Variants in TANGO6 observed in about 807,000 individuals in gnomAD.
The protein encoded by TANGO6 is transport and Golgi organization protein 6 homolog.
TANGO6 carries 90 observed loss-of-function variants against 114.2 expected under a neutral mutation model. The observed-to-expected ratio is 0.79, with a 90% confidence interval of 0.66 to 0.94. The LOEUF (loss-of-function observed/expected upper bound fraction) is 0.94. Among genes scored for constraint, TANGO6 ranks in the 40% least tolerant of loss-of-function variants. The pLI is 0.00. For missense variants in TANGO6, 1,274 were observed against 1,315.3 expected (o/e 0.97, Z 0.49); for synonymous variants, 477 against 509.8 (o/e 0.94, Z 0.87).
intron 14 of TANGO6, among the ~76,000 whole-genome samples, chr16:68,972,090 GCTT>G (rs1347854306): frequency 6.6e-6 from 1 of 151,860 alleles, no homozygotes; most frequent in African/African-American, 2.4e-5. Context: ...TAAGAGCAGA[GCTT>G]CTGCTTGCAT....
chr16:68,915,599 A>G (rs1401846116), intron 11 of TANGO6, among the ~76,000 whole-genome samples: 1 of 152,186 alleles, frequency 6.6e-6, no homozygotes. Flanking sequence ...GAGGCAACAT[A>G]GTTGGCCCAA....
At chr16:68,938,628 A>G (rs1378191570) in intron 14 of TANGO6, among the ~76,000 whole-genome samples, 1 of 152,082 alleles carries the variant, frequency 6.6e-6, no homozygotes, top group East Asian at 1.9e-4. Flanking sequence ...AGCATTGCCA[A>G]TTAACTACTT....
At chr16:68,856,340 G>A (rs1158300357) in intron 1 of TANGO6, among the ~76,000 whole-genome samples, 1 of 152,154 alleles carries the variant, frequency 6.6e-6, no homozygotes, top group Non-Finnish European at 1.5e-5. Flanking sequence ...TGCGTTTGTT[G>A]AAATGATCAC....
At chr16:69,040,075 T>C (rs1395583783) in intron 16 of TANGO6, among the ~76,000 whole-genome samples, 1 of 152,222 alleles carries the variant, frequency 6.6e-6, no homozygotes, top group African/African-American at 2.4e-5. Flanking sequence ...TCCCACTCTC[T>C]AATCTCGTTC....
chr16:68,902,397 G>T lies in TANGO6; in HGVS notation c.1560G>T (p.Leu520=). 6.2e-7 allele frequency: 1 copy of T among 1,613,844 alleles called. No homozygotes were observed. Among genetic ancestry groups the T allele is most frequent in the Non-Finnish European group, 8.5e-7 (1 of 1,179,804 alleles). The change falls in exon 9 of 18, where the codon CTG becomes CTT. Residue 520 remains leucine (L), a synonymous_variant. Coordinates refer to ENST00000261778, the MANE Select transcript of TANGO6 (RefSeq NM_024562.2). Reference sequence around the variant, plus strand: ...AAAGGAAGAAGGCAATTGCCAGCCTGAAAGGATTTGCAGGGTTGGACAAAG... The same window carrying T: ...AAAGGAAGAAGGCAATTGCCAGCCTTAAAGGATTTGCAGGGTTGGACAAAG... ...KLERKKAIAS[L]KGFAGLDKAV...
At chr16:68,923,184 C>G (rs575635645) in intron 12 of TANGO6, among the ~76,000 whole-genome samples, 75 of 151,526 alleles carry the variant, frequency 4.9e-4, no homozygotes, top group African/African-American at 1.7e-3. Context: ...TCCCGAACTC[C>G]TGACCTCAGG....
In TANGO6 at chr16:68,855,316, T is replaced by C. The variant is rs1453803060; in HGVS notation, c.95-4568T>C. Among the ~76,000 whole-genome samples the C allele has an allele frequency of 1.3e-5, 2 of 151,942 alleles. 1 individual carries two copies. The highest frequency in any genetic ancestry group is 3.9e-4 in the East Asian group (2 of 5,138). ...AAAGTTTTAGGCCAGGCGTGGTGGCTCACACCTGTAATGCCAGCACTTTGG... is the reference window on the plus strand; with the variant it reads ...AAAGTTTTAGGCCAGGCGTGGTGGCCCACACCTGTAATGCCAGCACTTTGG... On this transcript the variant is annotated intron_variant, in intron 1 of 17. Coordinates refer to ENST00000261778, the MANE Select transcript of TANGO6 (RefSeq NM_024562.2).
chr16:68,902,534 T>A, intron 9 of TANGO6, 30 bp downstream of exon 9: 1 of 1,558,452 alleles, frequency 6.4e-7, no homozygotes. Flanking sequence ...ACTGTTCTCT[T>A]CAGATTTAGT....
intron 15 of TANGO6, among the ~76,000 whole-genome samples, chr16:69,008,045 C>T (rs1335991977): frequency 4.6e-5 from 7 of 151,962 alleles, no homozygotes; most frequent in Admixed American, 4.6e-4. Context: ...AAGTCCCTTA[C>T]ACTTATATGA....
chr16:68,899,006 C>T (rs1486072655), intron 7 of TANGO6, among the ~76,000 whole-genome samples: 7 of 150,678 alleles, frequency 4.6e-5, no homozygotes, highest in Non-Finnish European at 8.8e-5. Flanking sequence ...GGTGCAGTGG[C>T]TCATACCTGT....
At chr16:68,987,391 G>A (rs1963905894) in intron 15 of TANGO6, among the ~76,000 whole-genome samples, 1 of 152,010 alleles carries the variant, frequency 6.6e-6, no homozygotes, top group South Asian at 2.1e-4. Context: ...GGGTTTTTGA[G>A]ACAGTCTTGG....
At chr16:68,923,163 G>A (rs917365221) in intron 12 of TANGO6, among the ~76,000 whole-genome samples, 12 of 150,044 alleles carry the variant, frequency 8.0e-5, no homozygotes, top group Non-Finnish European at 1.6e-4. Context: ...TCTCCATGTC[G>A]GTCAGGCTAG....
intron 9 of TANGO6, among the ~76,000 whole-genome samples, chr16:68,904,502 A>T (rs550306645): frequency 6.6e-6 from 1 of 152,348 alleles, no homozygotes; most frequent in East Asian, 1.9e-4. Flanking sequence ...TATGAAGTCC[A>T]TGTTCTTAGT....
chr16:69,027,695 C>T (rs1247938015), intron 16 of TANGO6, among the ~76,000 whole-genome samples: 8 of 151,486 alleles, frequency 5.3e-5, no homozygotes, highest in Admixed American at 5.3e-4. Context: ...TCTCTATTTT[C>T]TTGGTCTCTT....
chr16:69,008,638 T>G (rs570792313), intron 15 of TANGO6, among the ~76,000 whole-genome samples: 23 of 152,110 alleles, frequency 1.5e-4, no homozygotes, highest in African/African-American at 5.1e-4. Flanking sequence ...GTTTTGTTTG[T>G]TTGGTTTTTT....
chr16:69,049,094 A>G (rs1959906112), intron 17 of TANGO6, among the ~76,000 whole-genome samples: 1 of 152,208 alleles, frequency 6.6e-6, no homozygotes, highest in Non-Finnish European at 1.5e-5. Flanking sequence ...GACATAATTT[A>G]TATAGTATAA....
intron 14 of TANGO6, among the ~76,000 whole-genome samples, chr16:68,963,758 C>T (rs1401738697): frequency 6.6e-6 from 1 of 152,216 alleles, no homozygotes; most frequent in South Asian, 2.1e-4. Flanking sequence ...CGTCAGCCTT[C>T]CCTGCACATT....
At chr16:68,958,421 G>A (rs1215637254) in intron 14 of TANGO6, among the ~76,000 whole-genome samples, 36 of 147,394 alleles carry the variant, frequency 2.4e-4, no homozygotes, top group East Asian at 8.2e-4. Context: ...CCTGGGAGGC[G>A]GAGGTTGCAG....
At chr16:69,077,438 G>T (rs1448527444) in intron 17 of TANGO6, among the ~76,000 whole-genome samples, 1 of 152,058 alleles carries the variant, frequency 6.6e-6, no homozygotes, top group Admixed American at 6.6e-5. Context: ...GCCAGGAGTG[G>T]CACGCATGAA....
Sources: gnomAD v4.1 joint callset for allele counts (sites outside exome capture counted in the v4.1 genomes callset) on GRCh38, gnomAD v4.1.1 for gene constraint, MANE v1.5 for transcripts, NCBI Gene and HGNC (gene_info 2026-07-23, HGNC 2026-07-21) for gene names.